AMPH: variants seen among roughly 807,000 people sequenced by gnomAD.
The protein encoded by AMPH is amphiphysin.
Under a neutral mutation model 99.1 loss-of-function variants are expected in AMPH, and 49 were observed. The ratio of observed to expected loss-of-function variants is 0.49; its 90% confidence interval spans 0.39 to 0.63. AMPH has a LOEUF of 0.63. Ranked by LOEUF, AMPH falls within the 20% of genes least tolerant of loss-of-function variation. The pLI is 0.00. For missense variants in AMPH, 759 were observed against 863.4 expected (o/e 0.88, Z 1.52); for synonymous variants, 314 against 317.3 (o/e 0.99, Z 0.11).
chr7:38,445,010 T>TATATATATATATATATATACACACACAC lies in AMPH; in HGVS notation c.1018-8623_1018-8622insGTGTGTGTGTATATATATATATATATAT, dbSNP rs1458295332. Among the ~76,000 whole-genome samples the TATATATATATATATATATACACACACAC allele has an allele frequency of 1.9e-3, 239 of 125,844 alleles. 3 individuals are homozygous for TATATATATATATATATATACACACACAC. In the South Asian group the frequency reaches 0.025, roughly 13 times the overall value. 82.6% of individuals were successfully genotyped at this position (125,844 alleles called of 152,430 possible). A position where few individuals can be genotyped will look rare whatever the true frequency, so the allele number is the denominator to read the frequency against. On this transcript the variant is annotated intron_variant, in intron 11 of 20. Transcript: ENST00000356264. Reference sequence around the variant, plus strand: ...ATATACATATATATATATATATATATACACACACACACACGGTATATACAT... The same window carrying TATATATATATATATATATACACACACAC: ...ATATACATATATATATATATATATATATATATATATATATATATACACACACACACACACACACACACGGTATATACAT...
intron 17 of AMPH, among the ~76,000 whole-genome samples, chr7:38,406,731 C>CCTCTCTCTCTCTCTCTCTCTCTCTCTCT (rs56738810): frequency 1.6e-4 from 13 of 80,554 alleles, no homozygotes; most frequent in African/African-American, 6.6e-4. Context: ...TCTCCCTTTC[C>CCTCTCTCTCTCTCTCTCTCTCTCTCTCT]CTCTCTCTCT....
At chr7:38,597,214 C>T (rs1793090437) in intron 1 of AMPH, among the ~76,000 whole-genome samples, 1 of 152,096 alleles carries the variant, frequency 6.6e-6, no homozygotes, top group Non-Finnish European at 1.5e-5. Flanking sequence ...TCATAGTCAT[C>T]CATTTGATTA....
In AMPH at chr7:38,430,070, C is replaced by G. The variant is rs73350792; in HGVS notation, c.1159-205G>C. On this transcript the variant is annotated intron_variant, in intron 13 of 20. Coordinates refer to ENST00000356264, the MANE Select transcript of AMPH (RefSeq NM_001635.4). ...CACCATAGAAAAGGCACAAATGAAA[C>G]ACAAAGAAAGCCTCTTTCACTTTCT... 7.8e-3 allele frequency: 4,117 copies of G among 531,086 alleles called. 124 individuals are homozygous for G. The highest frequency in any genetic ancestry group is 0.072 in the African/African-American group (3,678 of 50,928). The allele number at this position is 531,086 out of a possible 1,614,324, so 32.9% of individuals were successfully genotyped here.
chr7:38,559,747 T>A (rs926458470), intron 1 of AMPH, among the ~76,000 whole-genome samples: 1 of 152,220 alleles, frequency 6.6e-6, no homozygotes, highest in Non-Finnish European at 1.5e-5. Context: ...TAATGTCGCA[T>A]AATTAGTAAG....
At chr7:38,418,497 T>C (rs55851043) in intron 16 of AMPH, among the ~76,000 whole-genome samples, 466 of 152,324 alleles carry the variant, frequency 3.1e-3, no homozygotes, top group Non-Finnish European at 4.8e-3. Flanking sequence ...GTCATTCTAA[T>C]AGTCAGACTA....
Position 38,475,431 on chromosome 7 carries a change from T to G in AMPH, c.505-15A>C, listed in dbSNP as rs1788044197. ...TCTTCTTCTGCCTAGGAATGAAACA[T>G]AACATGTGTTTACACTAAGAAAGAC... On this transcript the variant is annotated splice_polypyrimidine_tract_variant and intron_variant, in intron 6 of 20. Coordinates refer to ENST00000356264, the MANE Select transcript of AMPH (RefSeq NM_001635.4). 1.3e-6 allele frequency: 2 copies of G among 1,582,506 alleles called. No individual in the cohort carries two copies. Among genetic ancestry groups the G allele is most frequent in the Non-Finnish European group, 1.7e-6 (2 of 1,152,996 alleles).
At chr7:38,477,303 G>A (rs113423332) in intron 5 of AMPH, among the ~76,000 whole-genome samples, 14 of 152,188 alleles carry the variant, frequency 9.2e-5, no homozygotes, top group African/African-American at 2.6e-4. Context: ...TTCTCTAGTC[G>A]AAATCTTTAA....
chr7:38,510,049 C>T (rs935520338), intron 2 of AMPH, among the ~76,000 whole-genome samples: 1 of 152,176 alleles, frequency 6.6e-6, no homozygotes, highest in Non-Finnish European at 1.5e-5. Context: ...TCTGAAACTG[C>T]CATTTATGAT....
At chr7:38,571,471 T>A (rs1257392625) in intron 1 of AMPH, among the ~76,000 whole-genome samples, 1 of 131,312 alleles carries the variant, frequency 7.6e-6, no homozygotes, top group Non-Finnish European at 1.6e-5. Context: ...ATGGAATATA[T>A]TCTATAAAAT....
intron 1 of AMPH, among the ~76,000 whole-genome samples, chr7:38,565,640 T>A (rs940984661): frequency 1.3e-5 from 2 of 151,688 alleles, no homozygotes; most frequent in Non-Finnish European, 2.9e-5. Flanking sequence ...TACAGTCACA[T>A]TCTGAGGTGC....
intron 1 of AMPH, among the ~76,000 whole-genome samples, chr7:38,630,704 G>A (rs1794422222): frequency 6.6e-6 from 1 of 152,208 alleles, no homozygotes; most frequent in Non-Finnish European, 1.5e-5. Flanking sequence ...GAACTCACCA[G>A]ACAGCACTGT....
At chr7:38,576,922 C>T (rs550067162) in intron 1 of AMPH, among the ~76,000 whole-genome samples, 4 of 152,170 alleles carry the variant, frequency 2.6e-5, no homozygotes, top group South Asian at 4.2e-4. Context: ...TCTACCTGGC[C>T]GGGCTGTTCC....
intron 1 of AMPH, among the ~76,000 whole-genome samples, chr7:38,617,203 G>A (rs1334709557): frequency 6.9e-6 from 1 of 144,476 alleles, no homozygotes; most frequent in African/African-American, 2.6e-5. Flanking sequence ...CCCCAAGGGG[G>A]CTGATCTACA....
At chr7:38,561,348 T>G (rs1053576625) in intron 1 of AMPH, among the ~76,000 whole-genome samples, 1 of 152,206 alleles carries the variant, frequency 6.6e-6, no homozygotes, top group Non-Finnish European at 1.5e-5. Flanking sequence ...CTGCTAGCCC[T>G]GTCTTATCCT....
intron 3 of AMPH, among the ~76,000 whole-genome samples, chr7:38,502,798 T>C (rs1356513611): frequency 1.3e-5 from 2 of 152,160 alleles, no homozygotes; most frequent in Non-Finnish European, 2.9e-5. Context: ...CCATCCCTAC[T>C]GAAGTTAATA....
intron 1 of AMPH, among the ~76,000 whole-genome samples, chr7:38,593,987 A>G (rs542788399): frequency 3.6e-4 from 55 of 152,304 alleles, no homozygotes; most frequent in Admixed American, 1.4e-3. Flanking sequence ...TACCCGGACA[A>G]CATGGAGAGC....
chr7:38,459,504 G>T (rs1245434328), intron 11 of AMPH, among the ~76,000 whole-genome samples: 2 of 152,044 alleles, frequency 1.3e-5, no homozygotes, highest in Non-Finnish European at 2.9e-5. Flanking sequence ...TAGACACGTA[G>T]ACCAATGGAA....
At chr7:38,510,640 G>A (rs1160326250) in intron 2 of AMPH, among the ~76,000 whole-genome samples, 5 of 152,152 alleles carry the variant, frequency 3.3e-5, no homozygotes, top group African/African-American at 4.8e-5. Flanking sequence ...CATCTAATAG[G>A]TGGTAAGCCA....
intron 17 of AMPH, among the ~76,000 whole-genome samples, chr7:38,404,424 C>T (rs1784926140): frequency 6.6e-6 from 1 of 152,120 alleles, no homozygotes; most frequent in South Asian, 2.1e-4. Context: ...CCTCCACACT[C>T]CCAGCCCCAC....
Sources: allele counts gnomAD v4.1 joint callset (sites outside exome capture counted in the v4.1 genomes callset), GRCh38; gene constraint gnomAD v4.1.1; transcripts MANE v1.5; gene names NCBI Gene and HGNC (gene_info 2026-07-23, HGNC 2026-07-21).